The following CXCL2 variants were observed in gnomAD, a reference collection of about 807,000 sequenced individuals.
CXCL2 encodes the protein C-X-C motif chemokine 2.
CXCL2 carries 12 observed loss-of-function variants against 11.2 expected under a neutral mutation model. The observed-to-expected ratio is 1.08, with a 90% CI of 0.69 to 1.74. The LOEUF is 1.74. CXCL2 is among the 40% of genes most tolerant of loss of function. The probability of loss-of-function intolerance (pLI) is 0.00; values close to 1 mark genes in which losing one functional copy is unlikely to be tolerated. For synonymous variants in CXCL2, 68 were observed against 61.9 expected (o/e 1.10, Z -0.47); for missense variants, 120 against 137.8 (o/e 0.87, Z 0.65).
chr4:74,099,081 G>T lies in CXCL2; in HGVS notation c.40C>A (p.Arg14=). ...AGCAGCAGCGCCACCCGCAGGAGCC[G>T]GGGATTGCTGGGGGCGGCGGAGAGC... is the stretch of plus-strand genomic sequence containing the variant. ...ATLSAAPSNP[R]LLRVALLLLL... Residue 14 remains arginine (R), a synonymous_variant, in exon 1 of 4, where the codon CGG becomes AGG. Coordinates refer to ENST00000508487, the MANE Select transcript of CXCL2 (RefSeq NM_002089.4). The T allele has an allele frequency of 2.7e-6, 4 of 1,495,400 alleles. No individual in the cohort carries two copies. The South Asian group carries it at 5.1e-5, about 19-fold the overall frequency. 92.6% of individuals were successfully genotyped at this position (1,495,400 alleles called of 1,614,324 possible).
chr4:74,098,646 G>T lies in CXCL2; in HGVS notation c.263C>A (p.Pro88His). ...LKNGQKACLNPASPMVKKIIE... is the reference protein window; with the variant it reads ...LKNGQKACLNHASPMVKKIIE... ...GATTTTCTTAACCATGGGCGATGCG[G>T]GGTTGAGACAAGCTTTCTGCCCATT... Residue 88 changes from proline to histidine, a missense_variant, in exon 3 of 4, where the codon CCC (proline) becomes CAC (histidine). Physicochemically the swap from Pro to His is moderately conservative, Grantham distance 77. Transcript: ENST00000508487. The T allele has an allele frequency of 6.2e-7, 1 of 1,614,128 alleles. No individual in the cohort carries two copies. The highest frequency in any genetic ancestry group is 8.5e-7 in the Non-Finnish European group (1 of 1,180,014).
intron 3 of CXCL2, 39 bp from the exon 4 acceptor site, chr4:74,097,810 G>A (rs200413892): frequency 2.5e-6 from 4 of 1,570,930 alleles, no homozygotes; most frequent in Non-Finnish European, 3.5e-6. Context: ...AGGTGCTCAG[G>A]AAAGCTGACT....
At position 74,097,332 on chromosome 4, in the gene CXCL2, C is replaced by T. The variant is rs9131; in HGVS notation, c.*424G>A. On this transcript the variant is annotated 3_prime_UTR_variant, in exon 4 of 4. Coordinates refer to ENST00000508487, the MANE Select transcript of CXCL2 (RefSeq NM_002089.4). ...CATTTCCCTGCCGTCACATTGATCTCACTGGCCATTTTCTTGGATTCCTCA... is the reference window on the plus strand; with the variant it reads ...CATTTCCCTGCCGTCACATTGATCTTACTGGCCATTTTCTTGGATTCCTCA... The T allele has an allele frequency of 0.49, 74,436 of 152,314 alleles. 20,489 individuals are homozygous for T. The highest frequency in any genetic ancestry group is 0.62 in the Admixed American group (9,486 of 15,286). 9.4% of individuals were successfully genotyped at this position (152,314 alleles called of 1,614,324 possible).
rs1272155009 is a variant in CXCL2 at position 74,097,616 on chromosome 4, A to T, written c.*140T>A. ...AAATAAATAAATAAATAAATAGAAG[A>T]CTTCTCCTAAGTGATGCTCAAACAC... On this transcript the variant is annotated 3_prime_UTR_variant, in exon 4 of 4. Coordinates refer to ENST00000508487, the MANE Select transcript of CXCL2 (RefSeq NM_002089.4). 6.4e-6 allele frequency: 3 copies of T among 466,888 alleles called. No individual in the cohort carries two copies. Among genetic ancestry groups the T allele is most frequent in the East Asian group, 3.6e-5 (1 of 27,676 alleles). 28.9% of individuals were successfully genotyped at this position (466,888 alleles called of 1,614,324 possible). A position where few individuals can be genotyped will look rare whatever the true frequency, so the allele number is the denominator to read the frequency against.
Position 74,097,116 on chromosome 4 carries a change from G to T in CXCL2, c.*640C>A, listed in dbSNP as rs201036064. On this transcript the variant is annotated 3_prime_UTR_variant, in exon 4 of 4. Coordinates refer to ENST00000508487, the MANE Select transcript of CXCL2 (RefSeq NM_002089.4). The stretch of plus-strand genomic sequence containing the variant: ...CGAAACCTCTCTGCTCTAACACAGA[G>T]GGAAACACTGCATAATTAACATTAA... The T allele has an allele frequency of 6.6e-6, 1 of 152,260 alleles. No individual in the cohort carries two copies. The allele number at this position is 152,260 out of a possible 1,614,324, so 9.4% of individuals were successfully genotyped here.
chr4:74,098,706 G>C (rs371227293), intron 2 of CXCL2, 22 bp from the exon 3 acceptor site: 1 of 1,614,082 alleles, frequency 6.2e-7, no homozygotes, highest in East Asian at 2.2e-5. Flanking sequence ...AGGGAATCTC[G>C]TGAGACAGGA....
At position 74,097,153 on chromosome 4, in the gene CXCL2, T is replaced by C. The variant is rs540312988; in HGVS notation, c.*603A>G. 1 of 152,384 alleles carries C rather than the reference T, an allele frequency of 6.6e-6. No individual in the cohort carries two copies. The highest frequency in any genetic ancestry group is 2.4e-5 in the African/African-American group (1 of 41,600). The allele number at this position is 152,384 out of a possible 1,614,324, so 9.4% of individuals were successfully genotyped here. On this transcript the variant is annotated 3_prime_UTR_variant, in exon 4 of 4. Transcript: ENST00000508487. Reference sequence around the variant, plus strand: ...ATAATTAACATTAAACAAGGCAGTATGCCTTACAAGAAAGACATAAAATGT... The same window carrying C: ...ATAATTAACATTAAACAAGGCAGTACGCCTTACAAGAAAGACATAAAATGT...
Position 74,097,752 on chromosome 4 carries a change from C to A in CXCL2, c.*4G>T. The A allele has an allele frequency of 6.2e-7, 1 of 1,603,012 alleles. No individual in the cohort carries two copies. The highest frequency in any genetic ancestry group is 8.5e-7 in the Non-Finnish European group (1 of 1,173,388). On this transcript the variant is annotated 3_prime_UTR_variant, in exon 4 of 4. Transcript: ENST00000508487. ...CCACCAATAAGCTTCCTCCTTCCTT[C>A]TGGTCAGTTGGATTTGCCACTGTAA...
chr4:74,098,458 C>T, intron 3 of CXCL2, 143 bp downstream of exon 3: 1 of 893,802 alleles, frequency 1.1e-6, no homozygotes, highest in South Asian at 1.7e-5. Context: ...GATTAATAAC[C>T]TTAATGGCAA....
At chr4:74,098,997 G>A in intron 1 of CXCL2, 24 bp downstream of exon 1, 5 of 1,555,084 alleles carry the variant, frequency 3.2e-6, no homozygotes, top group Non-Finnish European at 4.3e-6. Flanking sequence ...TCCGGCCCGG[G>A]GACCCCAGGG....
chr4:74,097,790 T>C lies in CXCL2; in HGVS notation c.309-19A>G, dbSNP rs755525541. 4 of 1,592,788 alleles carry C rather than the reference T, an allele frequency of 2.5e-6. No homozygotes were observed. In the African/African-American group the frequency reaches 4.0e-5, roughly 16 times the overall value. ...TTTGCCACTGTAATGAGAAAATGGG[T>C]GCCCTGAGTAGGTGCTCAGGAAAGC... On this transcript the variant is annotated intron_variant, in intron 3 of 3. Transcript: ENST00000508487.
intron 3 of CXCL2, 116 bp downstream of exon 3, chr4:74,098,485 A>AT: frequency 1.9e-6 from 2 of 1,075,920 alleles, no homozygotes; most frequent in Non-Finnish European, 1.3e-6. Flanking sequence ...GAAAATAATA[A>AT]TTTTTTCAGT....
In CXCL2 at chr4:74,097,158, T is replaced by C. The variant is rs1431705167; in HGVS notation, c.*598A>G. The C allele has an allele frequency of 7.2e-5, 11 of 152,346 alleles. No individual in the cohort carries two copies. The East Asian group carries it at 2.1e-3, about 29-fold the overall frequency. The allele number at this position is 152,346 out of a possible 1,614,324, so 9.4% of individuals were successfully genotyped here. Reference sequence around the variant, plus strand: ...TAACATTAAACAAGGCAGTATGCCTTACAAGAAAGACATAAAATGTCCAAG... The same window carrying C: ...TAACATTAAACAAGGCAGTATGCCTCACAAGAAAGACATAAAATGTCCAAG... On this transcript the variant is annotated 3_prime_UTR_variant, in exon 4 of 4. Coordinates refer to ENST00000508487, the MANE Select transcript of CXCL2 (RefSeq NM_002089.4).
chr4:74,098,452 A>T, intron 3 of CXCL2, 149 bp downstream of exon 3: 3 of 831,664 alleles, frequency 3.6e-6, no homozygotes, highest in Non-Finnish European at 5.6e-6. Context: ...AGAACAGATT[A>T]ATAACCTTAA....
rs1168685209 is a variant in CXCL2, at chr4:74,097,698, T to C, written c.*58A>G. On this transcript the variant is annotated 3_prime_UTR_variant, in exon 4 of 4. Coordinates refer to ENST00000508487, the MANE Select transcript of CXCL2 (RefSeq NM_002089.4). ...GTGTCTCTCTTTCCTCTTCTGTTCC[T>C]GTAAGGGCAGGGCCTCCTTCAGGAA... 9.1e-6 allele frequency: 14 copies of C among 1,545,986 alleles called. No individual in the cohort carries two copies. The Admixed American group carries it at 1.5e-4, about 17-fold the overall frequency.
At chr4:74,098,956 C>T (rs746161349) in intron 1 of CXCL2, 34 bp from the exon 2 acceptor site, 2 of 1,598,756 alleles carry the variant, frequency 1.3e-6, no homozygotes, top group East Asian at 2.3e-5. Context: ...TTGAGCGGGG[C>T]TGTCGGCGCG....
intron 3 of CXCL2, 29 bp downstream of exon 3, chr4:74,098,572 C>T (rs1721329606): frequency 3.1e-6 from 5 of 1,608,012 alleles, no homozygotes; most frequent in East Asian, 2.2e-5. Flanking sequence ...CAGCTCCAGT[C>T]GCCTGTGTAC....
In CXCL2 at chr4:74,099,002, C is replaced by T. The variant is rs763155248; in HGVS notation, c.100+19G>A. On this transcript the variant is annotated intron_variant, in intron 1 of 3. Coordinates refer to ENST00000508487, the MANE Select transcript of CXCL2 (RefSeq NM_002089.4). ...CCCAGCCGCGTCCGGCCCGGGGACC[C>T]CAGGGCGCCGGGACCCACCTGCTGC... 5.8e-6 allele frequency: 9 copies of T among 1,549,022 alleles called. No individual in the cohort carries two copies. The highest frequency in any genetic ancestry group is 2.1e-4 in the Middle Eastern group (1 of 4,832).
chr4:74,099,136 G>A lies in CXCL2; in HGVS notation c.-16C>T, dbSNP rs202016804. The A allele has an allele frequency of 1.4e-6, 2 of 1,480,820 alleles. No individual in the cohort carries two copies. Among genetic ancestry groups the A allele is most frequent in the African/African-American group, 1.5e-5 (1 of 68,264 alleles). 91.7% of individuals were successfully genotyped at this position (1,480,820 alleles called of 1,614,324 possible). On this transcript the variant is annotated 5_prime_UTR_variant, in exon 1 of 4. Transcript: ENST00000508487. Reference sequence around the variant, plus strand: ...CGCGGGCCATGGGGCTCAGCAGGCGGTTCGAGCGGCTGTGCGAGGAGGAGA... The same window carrying A: ...CGCGGGCCATGGGGCTCAGCAGGCGATTCGAGCGGCTGTGCGAGGAGGAGA...
Sources: gnomAD v4.1 joint callset for allele counts on GRCh38, gnomAD v4.1.1 for gene constraint, MANE v1.5 for transcripts, NCBI Gene and HGNC (gene_info 2026-07-23, HGNC 2026-07-21) for gene names.